The following AFF2 variants were observed in gnomAD, a reference collection of about 807,000 sequenced individuals.
AFF2 encodes ALF transcription elongation factor 2, also known as AF4/FMR2 family member 2.
A neutral mutation model predicts 76.9 loss-of-function variants in AFF2; 14 were observed. That is an observed-to-expected ratio of 0.18 (90% CI 0.12 to 0.28). The LOEUF (loss-of-function observed/expected upper bound fraction) is 0.28, where lower values mean the gene tolerates loss of function less well. AFF2 is among the 10% of genes least tolerant of loss of function. The probability of loss-of-function intolerance (pLI) is 1.00; values close to 1 mark genes in which losing one functional copy is unlikely to be tolerated. For synonymous variants in AFF2, 398 were observed against 366.7 expected, an observed-to-expected ratio of 1.09 and a Z score of -0.98; for missense variants, 868 against 1,001.1, an observed-to-expected ratio of 0.87 and a Z score of 1.79.
intron 3 of AFF2, among the ~76,000 whole-genome samples, chrX:148,679,801 A>G (rs1557259786): frequency 1.8e-5 from 2 of 111,860 alleles, no homozygotes; most frequent in East Asian, 2.8e-4. Flanking sequence ...CACTTAGAAC[A>G]GCACAGGCCA....
At chrX:148,502,765 T>C (rs782631294) in intron 1 of AFF2, among the ~76,000 whole-genome samples, 22 of 112,791 alleles carry the variant, frequency 2.0e-4, no homozygotes, top group African/African-American at 3.5e-4. Context: ...TAACAGACAT[T>C]GTTATAATTA....
At chrX:148,810,395 C>T (rs1304815320) in intron 4 of AFF2, among the ~76,000 whole-genome samples, 1 of 112,116 alleles carries the variant, frequency 8.9e-6, no homozygotes, top group East Asian at 2.8e-4. Context: ...GAAAGTGTTA[C>T]TTATGGAAGT....
At chrX:148,654,198 G>A (rs1557256747) in intron 2 of AFF2, among the ~76,000 whole-genome samples, 1 of 111,837 alleles carries the variant, frequency 8.9e-6, no homozygotes, top group East Asian at 2.8e-4. Context: ...AAATTTAATA[G>A]AAACCTAGGG....
chrX:148,836,662 C>T (rs1557273833), intron 4 of AFF2, among the ~76,000 whole-genome samples: 1 of 111,156 alleles, frequency 9.0e-6, no homozygotes. Flanking sequence ...TCCTGCTTCA[C>T]AAAACTTATC....
chrX:148,911,871 C>T (rs972265258), intron 9 of AFF2, among the ~76,000 whole-genome samples: 2 of 112,023 alleles, frequency 1.8e-5, no homozygotes, highest in African/African-American at 6.5e-5. Flanking sequence ...TTCGGCCCAA[C>T]AATCCCATTT....
chrX:148,670,577 T>C (rs1013120337), intron 3 of AFF2, among the ~76,000 whole-genome samples: 16 of 111,763 alleles, frequency 1.4e-4, no homozygotes, highest in Non-Finnish European at 1.9e-5. Context: ...TCACTTATCT[T>C]GAATTTGTAG....
At chrX:148,584,945 T>G (rs1049983212) in intron 1 of AFF2, among the ~76,000 whole-genome samples, 37 of 111,492 alleles carry the variant, frequency 3.3e-4, no homozygotes, top group African/African-American at 1.1e-3. Flanking sequence ...CAGATCTAAT[T>G]GGAGAAACCA....
At chrX:148,721,835 C>T (rs190633972) in intron 3 of AFF2, among the ~76,000 whole-genome samples, 17 of 111,923 alleles carry the variant, frequency 1.5e-4, no homozygotes, top group African/African-American at 2.9e-4. Flanking sequence ...TAGCCCCGGG[C>T]GTTGCCGTAG....
chrX:148,901,648 A>G (rs1308801330), intron 8 of AFF2, among the ~76,000 whole-genome samples: 1 of 112,133 alleles, frequency 8.9e-6, no homozygotes, highest in Non-Finnish European at 1.9e-5. Context: ...CAAAAGAGAA[A>G]TTCTCTCTTT....
chrX:148,846,684 T>G (rs1379375303), intron 7 of AFF2, among the ~76,000 whole-genome samples: 1 of 111,063 alleles, frequency 9.0e-6, no homozygotes, highest in African/African-American at 3.3e-5. Flanking sequence ...AAACGGAGTT[T>G]CTAATCTCCC....
At chrX:148,943,755 C>A (rs2071867988) in intron 9 of AFF2, among the ~76,000 whole-genome samples, 1 of 111,955 alleles carries the variant, frequency 8.9e-6, no homozygotes, top group Admixed American at 9.4e-5. Context: ...GGACAGTCCT[C>A]CCTGAGATTT....
intron 3 of AFF2, among the ~76,000 whole-genome samples, chrX:148,722,508 A>T (rs782177269): frequency 9.1e-6 from 1 of 109,783 alleles, no homozygotes; most frequent in East Asian, 2.9e-4. Context: ...GTCCTCTTTC[A>T]TCAATCACTG....
intron 3 of AFF2, among the ~76,000 whole-genome samples, chrX:148,797,172 T>A (rs782772868): frequency 8.9e-6 from 1 of 112,370 alleles, no homozygotes; most frequent in South Asian, 3.7e-4. Context: ...AGCTAGAGAT[T>A]AACACAAGTT....
In AFF2 at chrX:148,891,013, A is replaced by T. The variant is rs192781711; in HGVS notation, c.1359+5028A>T. 2.7e-5 allele frequency among the ~76,000 whole-genome samples: 3 copies of T among 112,091 alleles called. No individual in the cohort carries two copies. In the East Asian group the frequency reaches 8.5e-4, roughly 32 times the overall value. On this transcript the variant is annotated intron_variant, in intron 8 of 20. Transcript: ENST00000370460. The stretch of plus-strand genomic sequence containing the variant: ...ATGGTTGAGATTTGGGGGCCACATG[A>T]TGTCTATTACCTGGCTGACTGCATT...
At chrX:148,974,134 T>C in intron 16 of AFF2, among the ~76,000 whole-genome samples, 1 of 110,308 alleles carries the variant, frequency 9.1e-6, no homozygotes, top group Non-Finnish European at 1.9e-5. Context: ...GCGGTACAGA[T>C]GAGAGGATGA....
intron 8 of AFF2, among the ~76,000 whole-genome samples, chrX:148,892,387 TTTTAATCCAGTTTC>T (rs1237471017): frequency 1.2e-4 from 13 of 111,297 alleles, no homozygotes; most frequent in African/African-American, 4.2e-4. Context: ...AAAAAGTTGC[TTTTAATCCAGTTTC>T]TTTAATCCAG....
intron 2 of AFF2, among the ~76,000 whole-genome samples, chrX:148,652,673 A>G (rs1311547688): frequency 9.0e-6 from 1 of 111,600 alleles, no homozygotes; most frequent in African/African-American, 3.3e-5. Flanking sequence ...GATTGTCTCA[A>G]CCAGAGGGGG....
chrX:148,930,599 T>C (rs1557284285), intron 9 of AFF2, among the ~76,000 whole-genome samples: 1 of 112,516 alleles, frequency 8.9e-6, no homozygotes, highest in Non-Finnish European at 1.9e-5. Context: ...TGCTCTGTTC[T>C]CCATCCCCAT....
intron 3 of AFF2, among the ~76,000 whole-genome samples, chrX:148,778,026 A>G (rs1252580964): frequency 4.5e-5 from 5 of 111,984 alleles, no homozygotes; most frequent in African/African-American, 1.6e-4. Flanking sequence ...GGTATGTTCC[A>G]TTAATACCTA....
Sources: allele counts gnomAD v4.1 joint callset (sites outside exome capture counted in the v4.1 genomes callset), GRCh38; gene constraint gnomAD v4.1.1; transcripts MANE v1.5; gene names NCBI Gene and HGNC (gene_info 2026-07-23, HGNC 2026-07-21).